The following MTCL2 variants were observed in gnomAD, a reference collection of about 807,000 sequenced individuals.
MTCL2 encodes microtubule crosslinking factor 2.
the MTCL2 span, chr20:36,785,783 AC>A: frequency 1.0e-6 from 1 of 985,334 alleles, no homozygotes; most frequent in Non-Finnish European, 1.2e-6. Flanking sequence ...TCACTCCCCA[AC>A]CCTGAGCCCT....
At chr20:36,802,788 G>C in the MTCL2 span, 1 of 1,511,168 alleles carries the variant, frequency 6.6e-7, no homozygotes, top group Admixed American at 2.0e-5. Flanking sequence ...AGGAGTTCCT[G>C]CTTCTGAATC....
chr20:36,839,464 G>A, the MTCL2 span: 6 of 1,608,248 alleles, frequency 3.7e-6, no homozygotes, highest in African/African-American at 6.7e-5. The surrounding 1 kb of genome is among the most constrained non-coding windows in gnomAD (Gnocchi z 5.1). Flanking sequence ...GGAAGAGTCA[G>A]GTCACTGGGC....
At chr20:36,809,668 T>G in the MTCL2 span, among the ~76,000 whole-genome samples, 1 of 151,130 alleles carries the variant, frequency 6.6e-6, no homozygotes, top group Admixed American at 6.6e-5. Flanking sequence ...CTCCGCCTCC[T>G]GGGTTCAAGC....
At chr20:36,797,423 C>T in the MTCL2 span, 1 of 1,453,904 alleles carries the variant, frequency 6.9e-7, no homozygotes. Context: ...TAGCAACTTC[C>T]TCTCATGTCC....
chr20:36,850,740 A>G, the MTCL2 span, among the ~76,000 whole-genome samples: 2 of 152,226 alleles, frequency 1.3e-5, no homozygotes, highest in Non-Finnish European at 2.9e-5. Flanking sequence ...ACCATGTTTA[A>G]AATGTGGTTA....
the MTCL2 span, among the ~76,000 whole-genome samples, chr20:36,837,547 C>CATTATTATT: frequency 4.8e-5 from 6 of 125,278 alleles, no homozygotes; most frequent in East Asian, 2.0e-4. Flanking sequence ...ATTTTACCCA[C>CATTATTATT]ATTATTATTA....
chr20:36,819,955 A>G, the MTCL2 span, among the ~76,000 whole-genome samples: 43 of 152,332 alleles, frequency 2.8e-4, no homozygotes, highest in African/African-American at 7.5e-4. Context: ...GTCCTTCCAC[A>G]AGAGCCAGGA....
At chr20:36,779,516 A>G in the MTCL2 span, 13 of 152,436 alleles carry the variant, frequency 8.5e-5, no homozygotes, top group African/African-American at 2.2e-4. Flanking sequence ...CAGAGAAGAC[A>G]GTGTGGCTTA....
the MTCL2 span, among the ~76,000 whole-genome samples, chr20:36,852,101 C>T: frequency 2.6e-5 from 4 of 152,314 alleles, no homozygotes; most frequent in South Asian, 8.3e-4. Context: ...CTCCGACGGG[C>T]AGACCAACCC....
At chr20:36,859,534 G>A in the MTCL2 span, 6 of 1,153,034 alleles carry the variant, frequency 5.2e-6, no homozygotes, top group South Asian at 4.5e-5. Flanking sequence ...AGGTCATCCC[G>A]CCTCTCTCTG....
the MTCL2 span, chr20:36,859,744 C>T: frequency 1.6e-6 from 2 of 1,231,776 alleles, no homozygotes; most frequent in Admixed American, 8.4e-5. Context: ...CAGGGCCACC[C>T]ACCAGACCTG....
At chr20:36,829,253 G>A in the MTCL2 span, 1 of 1,552,670 alleles carries the variant, frequency 6.4e-7, no homozygotes, top group Admixed American at 1.9e-5. Context: ...AGCAGGCTGA[G>A]GAGAGCCCCC....
chr20:36,845,445 A>C, the MTCL2 span, among the ~76,000 whole-genome samples: 1 of 152,248 alleles, frequency 6.6e-6, no homozygotes, highest in South Asian at 2.1e-4. Flanking sequence ...CATTCACGCC[A>C]GTTCCATCTC....
At chr20:36,833,497 C>T in the MTCL2 span, among the ~76,000 whole-genome samples, 6 of 152,252 alleles carry the variant, frequency 3.9e-5, no homozygotes, top group Non-Finnish European at 2.9e-5. Context: ...TCAGGCCCCT[C>T]GGCTCCTGGG....
the MTCL2 span, chr20:36,796,953 C>T: frequency 6.2e-7 from 1 of 1,613,854 alleles, no homozygotes. Flanking sequence ...CACTGCGTGT[C>T]TGTCAAGGAA....
the MTCL2 span, chr20:36,794,533 G>A: frequency 5.6e-6 from 9 of 1,613,884 alleles, no homozygotes; most frequent in South Asian, 3.3e-5. The surrounding 1 kb of genome is among the most constrained non-coding windows in gnomAD (Gnocchi z 5.4). Context: ...GGGCATCTCC[G>A]CCAGCAAGGT....
chr20:36,862,187 C>T, the MTCL2 span, among the ~76,000 whole-genome samples: 1 of 152,232 alleles, frequency 6.6e-6, no homozygotes, highest in Non-Finnish European at 1.5e-5. Context: ...CAGGCCTGCG[C>T]CCGGGAAAGC....
the MTCL2 span, among the ~76,000 whole-genome samples, chr20:36,830,184 T>C: frequency 6.6e-6 from 1 of 151,676 alleles, no homozygotes; most frequent in Non-Finnish European, 1.5e-5. Flanking sequence ...ACTTGCCCAG[T>C]CCTCACAAAA....
At chr20:36,788,280 G>A in the MTCL2 span, among the ~76,000 whole-genome samples, 17 of 151,916 alleles carry the variant, frequency 1.1e-4, no homozygotes, top group Admixed American at 1.0e-3. Context: ...AGCCCAGGAG[G>A]TCAAGGCAGC....
Sources: allele counts gnomAD v4.1 joint callset (sites outside exome capture counted in the v4.1 genomes callset), GRCh38; gene constraint gnomAD v4.1.1; non-coding constraint Gnocchi (gnomAD v3.1); transcripts MANE v1.5; gene names NCBI Gene and HGNC (gene_info 2026-07-23, HGNC 2026-07-21).